Variants in LOC122455340 observed in about 807,000 individuals in gnomAD.
At chr12:53,242,431 T>C in the LOC122455340 span, 2 of 388,860 alleles carry the variant, frequency 5.1e-6, no homozygotes, top group Non-Finnish European at 9.0e-6. Context: ...GGGCGCTGTC[T>C]GATCATTTAG....
the LOC122455340 span, chr12:53,242,466 T>A: frequency 2.5e-6 from 1 of 398,130 alleles, no homozygotes; most frequent in South Asian, 1.3e-4. Flanking sequence ...ACCAGGAGAC[T>A]GTCAGTTTCC....
the LOC122455340 span, chr12:53,242,410 G>T: frequency 5.0e-6 from 2 of 397,500 alleles, no homozygotes; most frequent in Admixed American, 8.9e-5. Flanking sequence ...GGACAACAAC[G>T]CACTTCTCGG....
chr12:53,242,348 G>A, the LOC122455340 span: 2 of 398,146 alleles, frequency 5.0e-6, no homozygotes, highest in East Asian at 7.1e-5. Context: ...GTGGCCAAGG[G>A]GCTGCCTGGG....
chr12:53,242,229 G>A, the LOC122455340 span: 13 of 399,758 alleles, frequency 3.3e-5, no homozygotes, highest in Middle Eastern at 6.2e-4. Flanking sequence ...CTCATGCTCC[G>A]GTCCACCCTT....
chr12:53,241,926 G>A, the LOC122455340 span: 3 of 398,766 alleles, frequency 7.5e-6, no homozygotes, highest in Non-Finnish European at 1.3e-5. Context: ...CAGCTGAATG[G>A]ACTTCTCTCT....
the LOC122455340 span, chr12:53,242,449 G>A: frequency 5.0e-6 from 2 of 398,200 alleles, no homozygotes; most frequent in Admixed American, 8.8e-5. Flanking sequence ...TAGGTGGACT[G>A]TTGCCCACCA....
At chr12:53,242,578 C>T in the LOC122455340 span, 1 of 396,954 alleles carries the variant, frequency 2.5e-6, no homozygotes, top group African/African-American at 2.1e-5. Flanking sequence ...AGGCAGCTGG[C>T]TTTCCCCAGT....
At chr12:53,242,593 G>T in the LOC122455340 span, 1 of 396,564 alleles carries the variant, frequency 2.5e-6, no homozygotes, top group Non-Finnish European at 4.4e-6. Flanking sequence ...CCCAGTCCTG[G>T]AGAGGTGGCA....
chr12:53,242,321 C>G, the LOC122455340 span: 1 of 398,818 alleles, frequency 2.5e-6, no homozygotes, highest in Non-Finnish European at 4.4e-6. Context: ...GTTTAGGCTG[C>G]AGTGATAGCT....
chr12:53,242,653 A>G, the LOC122455340 span: 1 of 380,438 alleles, frequency 2.6e-6, no homozygotes, highest in Admixed American at 4.5e-5. Context: ...TGCTGGTTCC[A>G]GAACCTCTTC....
the LOC122455340 span, chr12:53,242,155 G>C: frequency 3.0e-5 from 12 of 400,976 alleles, no homozygotes; most frequent in Non-Finnish European, 4.8e-5. Context: ...GGCCCACCCT[G>C]CACCTGCTCT....
At chr12:53,242,432 G>C in the LOC122455340 span, 1 of 394,444 alleles carries the variant, frequency 2.5e-6, no homozygotes, top group Non-Finnish European at 4.5e-6. Flanking sequence ...GGCGCTGTCT[G>C]ATCATTTAGG....
chr12:53,242,447 C>T, the LOC122455340 span: 22 of 398,260 alleles, frequency 5.5e-5, no homozygotes, highest in Non-Finnish European at 8.4e-5. Context: ...TTTAGGTGGA[C>T]TGTTGCCCAC....
the LOC122455340 span, chr12:53,242,714 C>G: frequency 3.3e-6 from 1 of 299,914 alleles, no homozygotes; most frequent in African/African-American, 2.1e-5. Context: ...TCCCCCACGG[C>G]CCCTGAAGGT....
chr12:53,242,350 C>T, the LOC122455340 span: 1 of 398,244 alleles, frequency 2.5e-6, no homozygotes, highest in Non-Finnish European at 4.4e-6. Flanking sequence ...GGCCAAGGGG[C>T]TGCCTGGGGA....
chr12:53,242,489 G>C, the LOC122455340 span: 2 of 398,326 alleles, frequency 5.0e-6, no homozygotes, highest in South Asian at 1.3e-4. Flanking sequence ...GAGCACTTCC[G>C]TACTGCTGCC....
At chr12:53,242,126 C>T in the LOC122455340 span, 13 of 400,884 alleles carry the variant, frequency 3.2e-5, no homozygotes, top group South Asian at 1.2e-4. Flanking sequence ...CTCCCTGCCC[C>T]GCTTGTCCCA....
chr12:53,242,109 A>G, the LOC122455340 span: 1 of 394,662 alleles, frequency 2.5e-6, no homozygotes, highest in East Asian at 3.6e-5. Context: ...CTGTCCCTCT[A>G]GTGCAGCTCC....
the LOC122455340 span, chr12:53,242,468 T>G: frequency 5.0e-6 from 2 of 397,994 alleles, no homozygotes; most frequent in Non-Finnish European, 8.8e-6. Flanking sequence ...CAGGAGACTG[T>G]CAGTTTCCTG....
Sources: gnomAD v4.1 joint callset for allele counts on GRCh38, gnomAD v4.1.1 for gene constraint, MANE v1.5 for transcripts.